The following SNCAIP variants were observed in gnomAD, a reference collection of about 807,000 sequenced individuals.
SNCAIP encodes synuclein alpha interacting protein.
A neutral mutation model predicts 86.7 loss-of-function variants in SNCAIP; 43 were observed. That is an observed-to-expected ratio of 0.50 (90% CI 0.39 to 0.64). SNCAIP has a LOEUF of 0.64. Ranked by LOEUF, SNCAIP falls within the 30% of genes least tolerant of loss-of-function variation. The pLI is 0.00. For synonymous variants in SNCAIP, 417 were observed against 427.2 expected, an observed-to-expected ratio of 0.98 and a Z score of 0.29; for missense variants, 981 against 1,103.1, an observed-to-expected ratio of 0.89 and a Z score of 1.57.
chr5:122,319,031 T>C (rs534085841), intron 1 of SNCAIP, among the ~76,000 whole-genome samples: 230 of 151,472 alleles, frequency 1.5e-3, no homozygotes, highest in Non-Finnish European at 2.7e-3. Context: ...AAGCAGTTTG[T>C]CTGCCACTAA....
intron 7 of SNCAIP, chr5:122,443,793 T>G (rs79569820): frequency 2.5e-6 from 1 of 398,830 alleles, no homozygotes; most frequent in Non-Finnish European, 5.0e-6. Flanking sequence ...TGATGCCCTC[T>G]GTGCCAACCT....
intron 1 of SNCAIP, among the ~76,000 whole-genome samples, chr5:122,377,402 G>C (rs1032103165): frequency 6.6e-6 from 1 of 151,994 alleles, no homozygotes; most frequent in African/African-American, 2.4e-5. Context: ...CAGCTCCTGT[G>C]AGCATGAATT....
At chr5:122,396,918 A>G (rs1057294998) in intron 2 of SNCAIP, among the ~76,000 whole-genome samples, 2 of 152,160 alleles carry the variant, frequency 1.3e-5, no homozygotes, top group Admixed American at 6.6e-5. Flanking sequence ...TTTTGCTTGT[A>G]TAATTATGAT....
chr5:122,315,644 A>G (rs999433112), intron 1 of SNCAIP, among the ~76,000 whole-genome samples: 3 of 152,214 alleles, frequency 2.0e-5, no homozygotes, highest in Non-Finnish European at 4.4e-5. Context: ...GCAATAGCCC[A>G]GGATTTAGGT....
intron 7 of SNCAIP, among the ~76,000 whole-genome samples, chr5:122,441,590 G>C (rs1392306451): frequency 6.6e-6 from 1 of 152,162 alleles, no homozygotes; most frequent in Non-Finnish European, 1.5e-5. Flanking sequence ...TCCCTCAGTT[G>C]AATGCAGAGC....
chr5:122,378,954 G>C lies in SNCAIP; in HGVS notation c.-46-12135G>C, dbSNP rs1766021538. 1.4e-5 allele frequency among the ~76,000 whole-genome samples: 2 copies of C among 139,420 alleles called. 1 individual carries two copies. The highest frequency in any genetic ancestry group is 5.4e-4 in the South Asian group (2 of 3,678). 91.5% of individuals were successfully genotyped at this position (139,420 alleles called of 152,430 possible). On this transcript the variant is annotated intron_variant, in intron 1 of 10. Transcript: ENST00000261368. ...TTTGGTACTGTAGCCTTGTAGTATA[G>C]TTTGAAGTCAGGTAGTGTGATGCCT...
chr5:122,385,673 A>ATGTG (rs371793989), intron 1 of SNCAIP, among the ~76,000 whole-genome samples: 2,576 of 138,392 alleles, frequency 0.019, 31 homozygotes, highest in East Asian at 0.066. Flanking sequence ...GTGCGCACGT[A>ATGTG]TGTGTGTGTG....
At chr5:122,380,694 C>T (rs1419047886) in intron 1 of SNCAIP, among the ~76,000 whole-genome samples, 3 of 149,470 alleles carry the variant, frequency 2.0e-5, no homozygotes, top group Non-Finnish European at 3.0e-5. Flanking sequence ...ATAAATTTCC[C>T]TCTACACACT....
chr5:122,383,646 G>A (rs1767471452), intron 1 of SNCAIP: 3 of 152,124 alleles, frequency 2.0e-5, no homozygotes, highest in Non-Finnish European at 4.4e-5. Context: ...TCAAGTTCAG[G>A]TATATGTTAG....
intron 1 of SNCAIP, among the ~76,000 whole-genome samples, chr5:122,373,252 A>T (rs1764619644): frequency 6.6e-6 from 1 of 152,270 alleles, no homozygotes; most frequent in Admixed American, 6.5e-5. Flanking sequence ...GGACTTTCTC[A>T]TCATAATCAA....
chr5:122,415,221 G>A (rs1254426515), intron 3 of SNCAIP, among the ~76,000 whole-genome samples: 1 of 152,178 alleles, frequency 6.6e-6, no homozygotes, highest in Non-Finnish European at 1.5e-5. Context: ...TCTCTCTCTA[G>A]TCTTGTAGCT....
chr5:122,405,236 A>G (rs143482532), intron 3 of SNCAIP, among the ~76,000 whole-genome samples: 149 of 152,326 alleles, frequency 9.8e-4, no homozygotes, highest in Middle Eastern at 6.8e-3. Flanking sequence ...GTGACTAGTT[A>G]TCTACAAAAT....
intron 6 of SNCAIP, among the ~76,000 whole-genome samples, chr5:122,438,623 T>C (rs1478488411): frequency 6.6e-6 from 1 of 152,242 alleles, no homozygotes; most frequent in African/African-American, 2.4e-5. Flanking sequence ...AAATATGTCA[T>C]AGGAACTAAA....
At chr5:122,326,283 A>G (rs1281383760) in intron 1 of SNCAIP, among the ~76,000 whole-genome samples, 1 of 152,186 alleles carries the variant, frequency 6.6e-6, no homozygotes, top group Non-Finnish European at 1.5e-5. Flanking sequence ...CTACTCATAC[A>G]CATTTGTCTG....
intron 1 of SNCAIP, among the ~76,000 whole-genome samples, chr5:122,356,095 CTTTTTTTT>C (rs757246404): frequency 9.7e-6 from 1 of 102,770 alleles, no homozygotes; most frequent in South Asian, 3.4e-4. Flanking sequence ...GTTAGCCTTT[CTTTTTTTT>C]TTTTTTTTTT....
intron 3 of SNCAIP, among the ~76,000 whole-genome samples, chr5:122,405,984 T>C (rs181808748): frequency 2.4e-4 from 37 of 152,172 alleles, no homozygotes; most frequent in Admixed American, 2.1e-3. Flanking sequence ...TGACAGGAAA[T>C]GGATTATGAG....
chr5:122,349,375 C>G (rs1261744386), intron 1 of SNCAIP, among the ~76,000 whole-genome samples: 1 of 152,042 alleles, frequency 6.6e-6, no homozygotes, highest in African/African-American at 2.4e-5. Context: ...CCAGGAGATT[C>G]TAATGACTAC....
chr5:122,377,708 G>C (rs1369956560), intron 1 of SNCAIP, among the ~76,000 whole-genome samples: 1 of 110,508 alleles, frequency 9.0e-6, no homozygotes, highest in African/African-American at 3.7e-5. Flanking sequence ...CCCCACAACA[G>C]TCCCCAGAGT....
In SNCAIP at chr5:122,461,208, T is replaced by A. The variant is rs531986609; in HGVS notation, c.2755-2283T>A. ...TTCATTTTCTTTTGCTTCTAATGTG[T>A]CTGTTGAGAAGCCCTATTCTTCTCT... On this transcript the variant is annotated intron_variant, in intron 10 of 10. Coordinates refer to ENST00000261368, the MANE Select transcript of SNCAIP (RefSeq NM_005460.4). Among the ~76,000 whole-genome samples, 3 of 152,326 alleles carry A rather than the reference T, an allele frequency of 2.0e-5. No individual in the cohort carries two copies. The East Asian group carries it at 5.8e-4, about 29-fold the overall frequency.
Sources: allele counts gnomAD v4.1 joint callset (sites outside exome capture counted in the v4.1 genomes callset), GRCh38; gene constraint gnomAD v4.1.1; transcripts MANE v1.5; gene names NCBI Gene and HGNC (gene_info 2026-07-23, HGNC 2026-07-21).